Variants in CCDC187 observed in about 807,000 individuals in gnomAD.
CCDC187 encodes coiled-coil domain containing 187.
CCDC187 carries 32 observed loss-of-function variants against 38.0 expected under a neutral mutation model. The ratio of observed to expected loss-of-function variants is 0.84; its 90% confidence interval spans 0.64 to 1.13. The LOEUF is 1.13. Ranked by LOEUF, CCDC187 falls within the 50% of genes most tolerant of loss-of-function variation. CCDC187 has a pLI of 0.00. For missense variants in CCDC187, 707 were observed against 786.8 expected (o/e 0.90, Z 1.21); for synonymous variants, 333 against 347.9 (o/e 0.96, Z 0.48).
At chr9:136,294,609 C>T (rs1272637047) in intron 4 of CCDC187, among the ~76,000 whole-genome samples, 5 of 152,300 alleles carry the variant, frequency 3.3e-5, no homozygotes, top group Middle Eastern at 3.4e-3. Context: ...TCAGGGACTT[C>T]CCTAGCACCC....
In CCDC187 at chr9:136,285,546, G is replaced by T; in HGVS notation, c.2894C>A (p.Ala965Asp). ...KPDKRLQRGV[A>D]PFQALSPSAG... ...AGAGGGGCTGAGGGCCTGGAAGGGGGCCACGCCTCTCTGCAGCCTTTTGTC... is the reference window on the plus strand; with the variant it reads ...AGAGGGGCTGAGGGCCTGGAAGGGGTCCACGCCTCTCTGCAGCCTTTTGTC... Residue 965 changes from alanine to aspartate, a missense_variant, in exon 9 of 26, where the codon GCC (alanine) becomes GAC (aspartate). Coordinates refer to ENST00000638797, the MANE Select transcript of CCDC187 (RefSeq NM_001378188.1). 2.5e-6 allele frequency: 1 copy of T among 402,080 alleles called. No individual in the cohort carries two copies. The highest frequency in any genetic ancestry group is 3.6e-5 in the East Asian group (1 of 28,004). 24.9% of individuals were successfully genotyped at this position (402,080 alleles called of 1,614,324 possible). A position where few individuals can be genotyped will look rare whatever the true frequency, so the allele number is the denominator to read the frequency against.
intron 10 of CCDC187, among the ~76,000 whole-genome samples, chr9:136,279,458 TA>T (rs1357767082): frequency 3.3e-5 from 5 of 152,204 alleles, no homozygotes; most frequent in Admixed American, 1.3e-4. Context: ...GAATGAGGTA[TA>T]GGGGTAAAAA....
In CCDC187 at chr9:136,265,081, G is replaced by A. The variant is rs538549293; in HGVS notation, c.3735+875C>T. On this transcript the variant is annotated intron_variant, in intron 17 of 25. Coordinates refer to ENST00000638797, the MANE Select transcript of CCDC187 (RefSeq NM_001378188.1). ...TTTTATCTGTACCAAGGGTGTTAGCGCCAGCCTCTGCCCCACAGCATGGGG... is the reference window on the plus strand; with the variant it reads ...TTTTATCTGTACCAAGGGTGTTAGCACCAGCCTCTGCCCCACAGCATGGGG... Among the ~76,000 whole-genome samples, 9 of 152,266 alleles carry A rather than the reference G, an allele frequency of 5.9e-5. No individual in the cohort carries two copies. In the South Asian group the frequency reaches 1.7e-3, roughly 28 times the overall value.
At position 136,290,665 on chromosome 9, in the gene CCDC187, G is replaced by C. The variant is rs937405218; in HGVS notation, c.1948C>G (p.Arg650Gly). 2 of 398,414 alleles carry C rather than the reference G, an allele frequency of 5.0e-6. No homozygotes were observed. Among genetic ancestry groups the C allele is most frequent in the Non-Finnish European group, 8.8e-6 (2 of 226,006 alleles). 24.7% of individuals were successfully genotyped at this position (398,414 alleles called of 1,614,324 possible). A position where few individuals can be genotyped will look rare whatever the true frequency, so the allele number is the denominator to read the frequency against. Residue 650 changes from arginine to glycine, a missense_variant, in exon 6 of 26, where the codon CGG (arginine) becomes GGG (glycine). By Grantham distance (125) the Arg-to-Gly change is moderately radical (BLOSUM62 -2). Coordinates refer to ENST00000638797, the MANE Select transcript of CCDC187 (RefSeq NM_001378188.1). The stretch of plus-strand genomic sequence containing the variant: ...TTCTCCTCCAGGGCCTGCCGCCGCC[G>C]GGCCTGCGCCTTCTGGCGCATGAAC... ...REFMRQKAQA[R>G]RRQALEEKAS...
intron 4 of CCDC187, among the ~76,000 whole-genome samples, chr9:136,295,597 T>C (rs1831515595): frequency 6.6e-6 from 1 of 152,218 alleles, no homozygotes; most frequent in Non-Finnish European, 1.5e-5. Context: ...TGATTTAATT[T>C]TTTGTTAACT....
At chr9:136,295,354 AT>A (rs1831510305) in intron 4 of CCDC187, among the ~76,000 whole-genome samples, 1 of 152,226 alleles carries the variant, frequency 6.6e-6, no homozygotes, top group African/African-American at 2.4e-5. Context: ...CGCTCGATAA[AT>A]GGGTCCTGAT....
At chr9:136,284,921 C>T (rs980941630) in intron 9 of CCDC187, among the ~76,000 whole-genome samples, 2 of 152,158 alleles carry the variant, frequency 1.3e-5, no homozygotes, top group Non-Finnish European at 2.9e-5. Flanking sequence ...CTGGGCTCCG[C>T]TTCAGCCTGG....
chr9:136,280,015 G>T (rs1193517423), intron 10 of CCDC187, among the ~76,000 whole-genome samples: 3 of 152,360 alleles, frequency 2.0e-5, no homozygotes, highest in East Asian at 1.9e-4. Flanking sequence ...CCAGACTCCA[G>T]AACTGTGAGC....
intron 10 of CCDC187, among the ~76,000 whole-genome samples, chr9:136,279,856 A>G (rs1831004865): frequency 6.6e-6 from 1 of 152,216 alleles, no homozygotes; most frequent in African/African-American, 2.4e-5. Flanking sequence ...TTGTGAATGG[A>G]TGAGTGCCAT....
rs1014676280 is a variant in CCDC187 at position 136,294,239 on chromosome 9, C to T, written c.833-1944G>A. On this transcript the variant is annotated intron_variant, in intron 4 of 25. Transcript: ENST00000638797. ...ACACGCTCATATACACACGCCCTCA[C>T]GTGGTCTCACACTCTCACGCGCTCA... Among the ~76,000 whole-genome samples, 854 of 151,370 alleles carry T rather than the reference C, an allele frequency of 5.6e-3. 10 individuals carry two copies. The highest frequency in any genetic ancestry group is 0.02 in the Middle Eastern group (6 of 294).
rs1441972990 is a variant in CCDC187, at chr9:136,251,131, G to A, written c.*2463C>T. 3 of 431,754 alleles carry A rather than the reference G, an allele frequency of 6.9e-6. No individual in the cohort carries two copies. The highest frequency in any genetic ancestry group is 1.4e-5 in the Non-Finnish European group (3 of 208,200). 26.7% of individuals were successfully genotyped at this position (431,754 alleles called of 1,614,324 possible). A position where few individuals can be genotyped will look rare whatever the true frequency, so the allele number is the denominator to read the frequency against. On this transcript the variant is annotated 3_prime_UTR_variant, in exon 26 of 26. Transcript: ENST00000638797. Reference sequence around the variant, plus strand: ...GCCACATCCTGGAAGGATCAGTGCTGGGACACAGATGTCCCTAAGGCCAAC... The same window carrying A: ...GCCACATCCTGGAAGGATCAGTGCTAGGACACAGATGTCCCTAAGGCCAAC...
Position 136,254,628 on chromosome 9 carries a change from G to A in CCDC187, c.5200C>T (p.Pro1734Ser), listed in dbSNP as rs117592634. 3.1e-4 allele frequency: 307 copies of A among 985,548 alleles called. 5 individuals carry two copies. The East Asian group carries it at 0.026, about 83-fold the overall frequency. 61.1% of individuals were successfully genotyped at this position (985,548 alleles called of 1,614,324 possible). ...MAEVSAPEQS[P>S]KAGWLLPFPD... Reference sequence around the variant, plus strand: ...AAAGGCAGTAGCCAGCCTGCCTTTGGGCTTTGCTCCGGCGCTGAAACTTCT... The same window carrying A: ...AAAGGCAGTAGCCAGCCTGCCTTTGAGCTTTGCTCCGGCGCTGAAACTTCT... The change falls in exon 26 of 26, where the codon CCA becomes TCA. Residue 1734 changes from proline (P) to serine (S), a missense_variant. Transcript: ENST00000638797.
At chr9:136,293,426 C>CACACA in intron 4 of CCDC187, among the ~76,000 whole-genome samples, 1 of 35,530 alleles carries the variant, frequency 2.8e-5, no homozygotes, top group African/African-American at 1.2e-4. Flanking sequence ...CTCACATACT[C>CACACA]TCACATGCTC....
At chr9:136,255,279 C>G (rs1256706307) in intron 25 of CCDC187, 145 bp from the exon 26 acceptor site, 2 of 257,450 alleles carry the variant, frequency 7.8e-6, no homozygotes, top group African/African-American at 2.3e-5. Flanking sequence ...CGTGTTCGAC[C>G]CTTGTGATTC....
chr9:136,252,792 C>G lies in CCDC187; in HGVS notation c.*802G>C, dbSNP rs1240514448. ...CTGGTGAGCCACGTGGAGACCAAGT[C>G]CACTGCCTGGTCTCTCTCCACACCT... On this transcript the variant is annotated 3_prime_UTR_variant, in exon 26 of 26. Coordinates refer to ENST00000638797, the MANE Select transcript of CCDC187 (RefSeq NM_001378188.1). The G allele has an allele frequency of 6.6e-6, 1 of 152,340 alleles. No homozygotes were observed. Among genetic ancestry groups the G allele is most frequent in the Non-Finnish European group, 1.5e-5 (1 of 68,130 alleles). The allele number at this position is 152,340 out of a possible 1,614,324, so 9.4% of individuals were successfully genotyped here.
In CCDC187 at chr9:136,255,054, C is replaced by G; in HGVS notation, c.4774G>C (p.Gly1592Arg). The change falls in exon 26 of 26, where the codon GGT becomes CGT. Residue 1592 changes from glycine to arginine, a missense_variant. Gly to Arg is a moderately radical substitution (Grantham distance 125, BLOSUM62 -2). Coordinates refer to ENST00000638797, the MANE Select transcript of CCDC187 (RefSeq NM_001378188.1). ...CCAGAAGCAGACTCAGAGCCTGGAC[C>G]GCAGGAGGAGGTGGTGGGGAGAAGG... ...SPLLPTTSSC[G>R]PGSESASGTC... 1.0e-6 allele frequency: 1 copy of G among 985,476 alleles called. No homozygotes were observed. 61.0% of individuals were successfully genotyped at this position (985,476 alleles called of 1,614,324 possible).
At chr9:136,278,770 G>A (rs1420096539) in intron 10 of CCDC187, among the ~76,000 whole-genome samples, 1 of 152,196 alleles carries the variant, frequency 6.6e-6, no homozygotes, top group Non-Finnish European at 1.5e-5. Context: ...CATGGCGGCT[G>A]GCAGCCACAC....
intron 20 of CCDC187, 140 bp from the exon 21 acceptor site, chr9:136,259,588 C>T (rs1030519829): frequency 4.4e-6 from 1 of 226,476 alleles, no homozygotes; most frequent in Non-Finnish European, 7.3e-6. Context: ...GAGACAGGGA[C>T]GGCCTGGGGC....
chr9:136,267,689 C>T (rs965053379), intron 15 of CCDC187, 178 bp from the exon 16 acceptor site: 8 of 930,586 alleles, frequency 8.6e-6, no homozygotes, highest in Non-Finnish European at 9.0e-6. Flanking sequence ...CTATGCCGCC[C>T]TCGCTTCCCC....
Sources: allele counts gnomAD v4.1 joint callset (sites outside exome capture counted in the v4.1 genomes callset), GRCh38; gene constraint gnomAD v4.1.1; transcripts MANE v1.5; gene names NCBI Gene and HGNC (gene_info 2026-07-23, HGNC 2026-07-21).